Variants in PUDP observed in about 807,000 individuals in gnomAD.
PUDP encodes pseudouridine 5'-phosphatase.
In PUDP, 8 loss-of-function variants were observed where a neutral mutation model predicts 9.4. That is an observed-to-expected ratio of 0.85 (90% CI 0.50 to 1.53). PUDP has a LOEUF of 1.53. PUDP is among the 40% of genes most tolerant of loss of function. The probability of loss-of-function intolerance (pLI) is 0.00; values close to 1 mark genes in which losing one functional copy is unlikely to be tolerated. For missense variants in PUDP, 188 were observed against 189.7 expected, an observed-to-expected ratio of 0.99 and a Z score of 0.05; for synonymous variants, 99 against 80.7, an observed-to-expected ratio of 1.23 and a Z score of -1.22.
chrX:6,786,099 T>C (rs752146650), intron 3 of PUDP, among the ~76,000 whole-genome samples: 3 of 111,767 alleles, frequency 2.7e-5, no homozygotes, highest in Non-Finnish European at 5.6e-5. Context: ...CCTCATAGCA[T>C]TGACTCTATA....
intron 3 of PUDP, among the ~76,000 whole-genome samples, chrX:6,807,816 C>T (rs1777893061): frequency 8.9e-6 from 1 of 112,069 alleles, no homozygotes; most frequent in South Asian, 3.7e-4. Context: ...CAGAATGATA[C>T]TCCAGTTGGC....
chrX:6,858,245 G>T (rs1010578564), intron 3 of PUDP, among the ~76,000 whole-genome samples: 2 of 111,166 alleles, frequency 1.8e-5, no homozygotes, highest in Non-Finnish European at 3.8e-5. Flanking sequence ...CTGATTCCAT[G>T]GGGAGAGGGT....
intron 3 of PUDP, among the ~76,000 whole-genome samples, chrX:6,876,084 T>C (rs1406514451): frequency 8.9e-6 from 1 of 112,497 alleles, no homozygotes; most frequent in Non-Finnish European, 1.9e-5. Flanking sequence ...GCTTATGATA[T>C]ATTGACTTTA....
chrX:6,724,876 C>T (rs181914308), upstream of PUDP, among the ~76,000 whole-genome samples: 1 of 111,704 alleles, frequency 9.0e-6, no homozygotes, highest in Admixed American at 9.6e-5. Context: ...TCACAAGTCT[C>T]TTCTAATCAA....
At chrX:7,006,138 C>G (rs1487131502) in intron 1 of PUDP, among the ~76,000 whole-genome samples, 1 of 111,974 alleles carries the variant, frequency 8.9e-6, no homozygotes, top group Non-Finnish European at 1.9e-5. Context: ...CTGCCATAAA[C>G]GTTGAGGTAC....
intron 3 of PUDP, among the ~76,000 whole-genome samples, chrX:6,976,020 A>T (rs1344279310): frequency 8.9e-6 from 1 of 111,969 alleles, no homozygotes; most frequent in African/African-American, 3.2e-5. Flanking sequence ...CCGCCTACTC[A>T]AGCCTAAGTA....
At chrX:6,751,431 C>G (rs764060427) in intron 3 of PUDP, among the ~76,000 whole-genome samples, 18 of 111,363 alleles carry the variant, frequency 1.6e-4, no homozygotes, top group African/African-American at 5.2e-4. Flanking sequence ...CATTTTGGCA[C>G]TAAGTTCTCA....
At chrX:6,779,706 G>T (rs1394978565) in intron 3 of PUDP, among the ~76,000 whole-genome samples, 1 of 111,518 alleles carries the variant, frequency 9.0e-6, no homozygotes. Flanking sequence ...CAAGCGGGTG[G>T]ATCTCTTGAG....
intron 2 of PUDP, among the ~76,000 whole-genome samples, chrX:7,097,483 C>A (rs907333651): frequency 2.7e-5 from 3 of 111,609 alleles, no homozygotes; most frequent in Non-Finnish European, 5.6e-5. Context: ...GGCCACTACT[C>A]CAAGAATATC....
chrX:7,019,735 G>A (rs1701026195), intron 1 of PUDP, among the ~76,000 whole-genome samples: 1 of 111,367 alleles, frequency 9.0e-6, no homozygotes, highest in African/African-American at 3.3e-5. Flanking sequence ...TCCATCCGGG[G>A]CATGGGGTTG....
intron 3 of PUDP, among the ~76,000 whole-genome samples, chrX:6,821,985 C>G (rs565132455): frequency 8.9e-6 from 1 of 111,822 alleles, no homozygotes; most frequent in Non-Finnish European, 1.9e-5. Context: ...TTTTTGTGCT[C>G]TATGTAAATC....
intron 3 of PUDP, among the ~76,000 whole-genome samples, chrX:6,775,482 G>T (rs1373678781): frequency 2.6e-5 from 2 of 77,894 alleles, no homozygotes; most frequent in Non-Finnish European, 5.1e-5. Flanking sequence ...TAGATAGATA[G>T]ATACACACAT....
chrX:6,760,369 G>T (rs1366414487), intron 3 of PUDP, among the ~76,000 whole-genome samples: 1 of 111,957 alleles, frequency 8.9e-6, no homozygotes, highest in Non-Finnish European at 1.9e-5. Flanking sequence ...GCAAGCCTCA[G>T]CCCTTTGGCA....
chrX:7,076,086 C>T (rs1930889857), intron 3 of PUDP, among the ~76,000 whole-genome samples: 2 of 111,503 alleles, frequency 1.8e-5, no homozygotes, highest in Non-Finnish European at 3.8e-5. Context: ...GCACAGGTTC[C>T]GGCTGCCTCT....
intron 2 of PUDP, among the ~76,000 whole-genome samples, chrX:7,101,343 C>T (rs1378368206): frequency 9.0e-6 from 1 of 111,633 alleles, no homozygotes; most frequent in Non-Finnish European, 1.9e-5. Flanking sequence ...AAAAGAGAGC[C>T]ATCTAGATAA....
At chrX:6,886,382 T>TA (rs1927422627) in intron 3 of PUDP, among the ~76,000 whole-genome samples, 1 of 111,968 alleles carries the variant, frequency 8.9e-6, no homozygotes, top group Admixed American at 9.5e-5. Context: ...GAAATAACAG[T>TA]AAAGTAGGTT....
chrX:6,833,063 T>C (rs1448998027), intron 3 of PUDP, among the ~76,000 whole-genome samples: 1 of 111,644 alleles, frequency 9.0e-6, no homozygotes, highest in Non-Finnish European at 1.9e-5. Context: ...GATAACAAGC[T>C]ATTAAAAATG....
intron 3 of PUDP, among the ~76,000 whole-genome samples, chrX:6,831,471 G>A (rs1419385609): frequency 2.7e-5 from 3 of 112,111 alleles, no homozygotes; most frequent in Non-Finnish European, 3.8e-5. Flanking sequence ...AGGAATGAAC[G>A]AGGACAGCTT....
At chrX:6,920,902 CCT>C (rs1427129765) in intron 3 of PUDP, among the ~76,000 whole-genome samples, 1 of 111,264 alleles carries the variant, frequency 9.0e-6, no homozygotes. Flanking sequence ...TAACATTCCT[CCT>C]CTGTTTAAAA....
Sources: gnomAD v4.1 joint callset for allele counts (sites outside exome capture counted in the v4.1 genomes callset) on GRCh38, gnomAD v4.1.1 for gene constraint, MANE v1.5 for transcripts, NCBI Gene and HGNC (gene_info 2026-07-23, HGNC 2026-07-21) for gene names.